Variants in AVL9 observed in about 807,000 individuals in gnomAD.
AVL9 encodes late secretory pathway protein AVL9 homolog.
In AVL9, 49 loss-of-function variants were observed where a neutral mutation model predicts 79.2. The observed-to-expected ratio is 0.62, with a 90% CI of 0.49 to 0.79. The LOEUF (loss-of-function observed/expected upper bound fraction) is 0.79, where lower values mean the gene tolerates loss of function less well. Among genes scored for constraint, AVL9 ranks in the 30% least tolerant of loss-of-function variants. AVL9 has a pLI of 0.00. For synonymous variants in AVL9, 299 were observed against 280.6 expected, an observed-to-expected ratio of 1.07 and a Z score of -0.65; for missense variants, 682 against 776.8, an observed-to-expected ratio of 0.88 and a Z score of 1.45.
At chr7:32,566,992 A>G (rs1173050112) in intron 10 of AVL9, among the ~76,000 whole-genome samples, 3 of 152,202 alleles carry the variant, frequency 2.0e-5, no homozygotes, top group Non-Finnish European at 4.4e-5. Context: ...AGCAGTAGCC[A>G]TTTCTTTGTT....
chr7:32,547,848 C>T (rs768387260), intron 3 of AVL9, among the ~76,000 whole-genome samples: 1 of 152,114 alleles, frequency 6.6e-6, no homozygotes, highest in Non-Finnish European at 1.5e-5. Flanking sequence ...CATGGGGGCC[C>T]CTTGGTCCTC....
rs562133734 is a variant in AVL9, at chr7:32,524,331, C to A, written c.94-18810C>A. Among the ~76,000 whole-genome samples, 218 of 152,110 alleles carry A rather than the reference C, an allele frequency of 1.4e-3. 1 individual carries two copies. The highest frequency in any genetic ancestry group is 2.4e-3 in the Non-Finnish European group (162 of 67,990). ...AGGAGTTTAACACCAGCCTGGCCAA[C>A]ATGGCAAAACCCCGTCTCTACTAAA... On this transcript the variant is annotated intron_variant, in intron 1 of 15. Transcript: ENST00000318709.
At chr7:32,517,208 A>G (rs1787941149) in intron 1 of AVL9, among the ~76,000 whole-genome samples, 3 of 152,142 alleles carry the variant, frequency 2.0e-5, no homozygotes, top group Admixed American at 2.0e-4. Context: ...TGTTTTGGCC[A>G]CAGGGACCAA....
chr7:32,553,011 C>T (rs540650544), intron 6 of AVL9, among the ~76,000 whole-genome samples: 1 of 152,194 alleles, frequency 6.6e-6, no homozygotes, highest in East Asian at 1.9e-4. Context: ...AATAAATATC[C>T]ATTTTGTGAT....
At chr7:32,563,869 T>C (rs1339356364) in intron 10 of AVL9, among the ~76,000 whole-genome samples, 3 of 152,186 alleles carry the variant, frequency 2.0e-5, no homozygotes, top group Admixed American at 1.3e-4. Flanking sequence ...TCTGAAATTA[T>C]CTTAACTGAT....
chr7:32,545,261 C>G (rs1789426395), intron 3 of AVL9, among the ~76,000 whole-genome samples: 1 of 149,570 alleles, frequency 6.7e-6, no homozygotes, highest in African/African-American at 2.5e-5. Flanking sequence ...GTGTGCACCA[C>G]TGTGCCTTGC....
chr7:32,557,316 A>C (rs1468467821), intron 8 of AVL9, among the ~76,000 whole-genome samples: 1 of 151,962 alleles, frequency 6.6e-6, no homozygotes, highest in African/African-American at 2.4e-5. Flanking sequence ...ATCTCCCAAA[A>C]TGCTGGGATT....
At chr7:32,554,647 C>CT (rs761838802) in intron 8 of AVL9, 51 bp downstream of exon 8, 243 of 1,199,066 alleles carry the variant, frequency 2.0e-4, no homozygotes, top group Middle Eastern at 8.8e-4. Context: ...CTTTTATTCA[C>CT]TTTTTTTTAC....
chr7:32,541,682 T>C (rs1562775834), intron 1 of AVL9, among the ~76,000 whole-genome samples: 1 of 151,870 alleles, frequency 6.6e-6, no homozygotes, highest in Non-Finnish European at 1.5e-5. Context: ...CAGAGAAATG[T>C]AACTGGAGGT....
At chr7:32,540,327 A>G (rs1303837691) in intron 1 of AVL9, among the ~76,000 whole-genome samples, 3 of 152,256 alleles carry the variant, frequency 2.0e-5, no homozygotes, top group South Asian at 4.1e-4. Flanking sequence ...GGTAAAAGAT[A>G]AATTTTGGCA....
In AVL9 at chr7:32,584,602, A is replaced by T. The variant is rs569285643; in HGVS notation, c.*695A>T. 1 of 152,608 alleles carries T rather than the reference A, an allele frequency of 6.6e-6. No homozygotes were observed. The highest frequency in any genetic ancestry group is 2.4e-5 in the African/African-American group (1 of 41,552). The allele number at this position is 152,608 out of a possible 1,614,324, so 9.5% of individuals were successfully genotyped here. A position where few individuals can be genotyped will look rare whatever the true frequency, so the allele number is the denominator to read the frequency against. On this transcript the variant is annotated 3_prime_UTR_variant, in exon 16 of 16. Transcript: ENST00000318709. ...AACTGTGCAGGTGGGTGTGCAGAGA[A>T]ATAGCAGAGTGATGGTTCGATGATA...
In AVL9 at chr7:32,575,991, T is replaced by A; in HGVS notation, c.1607T>A (p.Phe536Tyr). Residue 536 changes from phenylalanine (F) to tyrosine (Y), a missense_variant, in exon 13 of 16, where the codon TTT becomes TAT. Phe to Tyr is a conservative substitution (Grantham distance 22). Transcript: ENST00000318709. ...ATATTATCGGACTATGGGACAACTT[T>A]TGTTACAGCATGGAAGAATACTCAC... The part of the protein sequence containing the change: ...EKILSDYGTT[F>Y]VTAWKNTHNY... 6.2e-7 allele frequency: 1 copy of A among 1,614,030 alleles called. No homozygotes were observed.
chr7:32,503,570 A>AAAAC (rs1554332790), intron 1 of AVL9, among the ~76,000 whole-genome samples: 2 of 149,952 alleles, frequency 1.3e-5, no homozygotes, highest in South Asian at 2.1e-4. Flanking sequence ...GAAAAAAAAA[A>AAAAC]AAAAAACTAG....
intron 1 of AVL9, among the ~76,000 whole-genome samples, chr7:32,531,001 G>A (rs1323472761): frequency 6.6e-6 from 1 of 152,102 alleles, no homozygotes; most frequent in South Asian, 2.1e-4. Context: ...GAGGACTGCA[G>A]TCCAGGACAC....
intron 7 of AVL9, among the ~76,000 whole-genome samples, chr7:32,554,027 G>A (rs563339801): frequency 6.6e-6 from 1 of 152,200 alleles, no homozygotes; most frequent in South Asian, 2.1e-4. Flanking sequence ...TTTTTCTATT[G>A]TTTTTGCAAT....
intron 12 of AVL9, among the ~76,000 whole-genome samples, chr7:32,574,279 A>G (rs1157680217): frequency 6.6e-6 from 1 of 151,974 alleles, no homozygotes; most frequent in Non-Finnish European, 1.5e-5. Flanking sequence ...AGTTGTTTAC[A>G]GTGCACATAG....
chr7:32,518,050 C>T (rs1353686871), intron 1 of AVL9, among the ~76,000 whole-genome samples: 1 of 152,052 alleles, frequency 6.6e-6, no homozygotes, highest in Non-Finnish European at 1.5e-5. Flanking sequence ...AGGCTGGTCT[C>T]AAACTCCTGG....
intron 11 of AVL9, among the ~76,000 whole-genome samples, chr7:32,571,506 C>T (rs984706511): frequency 1.3e-5 from 2 of 151,024 alleles, no homozygotes; most frequent in African/African-American, 2.4e-5. Context: ...CCAGCTTGGG[C>T]GATAGAGTGA....
intron 12 of AVL9, among the ~76,000 whole-genome samples, chr7:32,575,346 T>G (rs962308495): frequency 5.9e-5 from 9 of 152,022 alleles, no homozygotes; most frequent in African/African-American, 1.9e-4. Context: ...TGATCCGCCC[T>G]CCTCGACCTC....
Sources: allele counts gnomAD v4.1 joint callset (sites outside exome capture counted in the v4.1 genomes callset), GRCh38; gene constraint gnomAD v4.1.1; transcripts MANE v1.5; gene names NCBI Gene and HGNC (gene_info 2026-07-23, HGNC 2026-07-21).